The following CLMP variants were observed in gnomAD, a reference collection of about 807,000 sequenced individuals.
The protein encoded by CLMP is CXADR-like membrane protein.
In CLMP, 27 loss-of-function variants were observed where a neutral mutation model predicts 45.2. The ratio of observed to expected loss-of-function variants is 0.60; its 90% confidence interval spans 0.44 to 0.82. The LOEUF (loss-of-function observed/expected upper bound fraction) is 0.82, where lower values mean the gene tolerates loss of function less well. CLMP is among the 40% of genes least tolerant of loss of function. The pLI is 0.00. For synonymous variants in CLMP, 167 were observed against 171.4 expected (o/e 0.97, Z 0.20); for missense variants, 403 against 448.4 (o/e 0.90, Z 0.91).
intron 1 of CLMP, among the ~76,000 whole-genome samples, chr11:123,153,031 A>G (rs1282359616): frequency 6.6e-6 from 1 of 152,172 alleles, no homozygotes; most frequent in Non-Finnish European, 1.5e-5. Context: ...TTTTTTCCTA[A>G]AGGTTTCCTT....
At chr11:123,176,756 G>A (rs1591487676) in intron 1 of CLMP, among the ~76,000 whole-genome samples, 1 of 152,218 alleles carries the variant, frequency 6.6e-6, no homozygotes, top group Middle Eastern at 3.4e-3. Context: ...CATCTCCCTG[G>A]TTCTATTTAT....
chr11:123,131,758 G>A (rs887856447), intron 1 of CLMP, among the ~76,000 whole-genome samples: 5 of 152,062 alleles, frequency 3.3e-5, no homozygotes, highest in African/African-American at 1.2e-4. Context: ...TGGGATTACA[G>A]GTATGCGCCA....
intron 1 of CLMP, among the ~76,000 whole-genome samples, chr11:123,118,409 A>G (rs1371557165): frequency 2.6e-5 from 4 of 152,244 alleles, no homozygotes; most frequent in African/African-American, 9.6e-5. Flanking sequence ...TGCTGGGATT[A>G]CAGGCATAAG....
chr11:123,096,132 G>T (rs187279065), intron 2 of CLMP, among the ~76,000 whole-genome samples: 1 of 152,152 alleles, frequency 6.6e-6, no homozygotes, highest in Non-Finnish European at 1.5e-5. Context: ...GGAGGCCGAG[G>T]CAGGCCGAAC....
chr11:123,170,292 G>A (rs937047259), intron 1 of CLMP, among the ~76,000 whole-genome samples: 1 of 152,136 alleles, frequency 6.6e-6, no homozygotes, highest in Non-Finnish European at 1.5e-5. Flanking sequence ...CCTCTGATGA[G>A]ACTTCATGGT....
chr11:123,086,512 G>A (rs1421889781), intron 2 of CLMP, among the ~76,000 whole-genome samples: 1 of 152,172 alleles, frequency 6.6e-6, no homozygotes, highest in East Asian at 1.9e-4. Flanking sequence ...ATCACGTGTT[G>A]CTCCACAGCT....
intron 2 of CLMP, among the ~76,000 whole-genome samples, chr11:123,085,595 T>TAAAAAAAAAA (rs35921171): frequency 2.4e-5 from 2 of 82,102 alleles, no homozygotes; most frequent in Non-Finnish European, 2.4e-5. Context: ...GCTACAAAGA[T>TAAAAAAAAAA]AAAAAAAAAA....
intron 1 of CLMP, among the ~76,000 whole-genome samples, chr11:123,100,923 A>G (rs1171482536): frequency 1.3e-5 from 2 of 151,830 alleles, no homozygotes; most frequent in Non-Finnish European, 2.9e-5. Flanking sequence ...TCCTAGAGAC[A>G]GGTTACTACC....
At chr11:123,150,485 A>AAGGAAGGG (rs1861309349) in intron 1 of CLMP, among the ~76,000 whole-genome samples, 1 of 109,924 alleles carries the variant, frequency 9.1e-6, no homozygotes, top group Non-Finnish European at 1.9e-5. Context: ...GAAAGAAAGG[A>AAGGAAGGG]AGGAAGGAAG....
At chr11:123,188,393 A>G (rs967341836) in intron 1 of CLMP, among the ~76,000 whole-genome samples, 2 of 151,752 alleles carry the variant, frequency 1.3e-5, no homozygotes, top group Non-Finnish European at 2.9e-5. Context: ...TTCATCCCCT[A>G]CAGTCTCTGT....
In CLMP at chr11:123,082,896, T is replaced by C. The variant is rs543341042; in HGVS notation, c.679+189A>G. Reference sequence around the variant, plus strand: ...TGCTGGGATTACAGGTGTGAGCCACTGTGCCTGGCCAGTCAATTGTTGAGT... The same window carrying C: ...TGCTGGGATTACAGGTGTGAGCCACCGTGCCTGGCCAGTCAATTGTTGAGT... On this transcript the variant is annotated intron_variant, in intron 5 of 6. Coordinates refer to ENST00000448775, the MANE Select transcript of CLMP (RefSeq NM_024769.5). Among the ~76,000 whole-genome samples the C allele has an allele frequency of 3.5e-4, 54 of 152,274 alleles. No individual in the cohort carries two copies. In the South Asian group the frequency reaches 0.011, roughly 30 times the overall value.
At chr11:123,184,866 G>A (rs921820605) in intron 1 of CLMP, among the ~76,000 whole-genome samples, 1 of 152,184 alleles carries the variant, frequency 6.6e-6, no homozygotes. Flanking sequence ...GCCGCTCACC[G>A]GGCTTGGTAT....
chr11:123,122,938 C>G (rs1275299312), intron 1 of CLMP, among the ~76,000 whole-genome samples: 2 of 152,102 alleles, frequency 1.3e-5, no homozygotes, highest in Non-Finnish European at 2.9e-5. Context: ...CACAAATGCT[C>G]AGGATGAAGC....
At chr11:123,127,502 G>A (rs980013399) in intron 1 of CLMP, among the ~76,000 whole-genome samples, 26 of 152,264 alleles carry the variant, frequency 1.7e-4, no homozygotes, top group African/African-American at 5.8e-4. Context: ...AAAAGGGGCA[G>A]TTTGTTCCAC....
rs1315056418 is a variant in CLMP, at chr11:123,083,504, T to C, written c.556+176A>G. 9.9e-5 allele frequency among the ~76,000 whole-genome samples: 15 copies of C among 152,176 alleles called. No homozygotes were observed. The East Asian group carries it at 2.9e-3, about 29-fold the overall frequency. On this transcript the variant is annotated intron_variant, in intron 4 of 6. Transcript: ENST00000448775. ...TCTCTTTTACTACTTTTACATGTCA[T>C]TTGAGGAAAGGAAAGACAGATTTTC...
chr11:123,104,681 C>T (rs1390665887), intron 1 of CLMP, among the ~76,000 whole-genome samples: 2 of 152,090 alleles, frequency 1.3e-5, no homozygotes, highest in African/African-American at 4.8e-5. Flanking sequence ...CCACCGCGTC[C>T]GGCCTCTGTC....
In CLMP at chr11:123,073,348, G is replaced by A. The variant is rs1343546144; in HGVS notation, c.*126C>T. 4 of 1,031,060 alleles carry A rather than the reference G, an allele frequency of 3.9e-6. No individual in the cohort carries two copies. In the Admixed American group the frequency reaches 9.4e-5, roughly 24 times the overall value. The allele number at this position is 1,031,060 out of a possible 1,614,324, so 63.9% of individuals were successfully genotyped here. A position where few individuals can be genotyped will look rare whatever the true frequency, so the allele number is the denominator to read the frequency against. ...AAATGCTCATCTGAATCTGTTCCGT[G>A]CAATGCTCACTGCTACTTAGATGAC... On this transcript the variant is annotated 3_prime_UTR_variant, in exon 7 of 7. Transcript: ENST00000448775.
At chr11:123,152,795 C>T (rs1436016860) in intron 1 of CLMP, among the ~76,000 whole-genome samples, 1 of 152,086 alleles carries the variant, frequency 6.6e-6, no homozygotes, top group Non-Finnish European at 1.5e-5. Flanking sequence ...TAATTATTTG[C>T]CAAGGACCTT....
In CLMP at chr11:123,185,055, C is replaced by T. The variant is rs145404176; in HGVS notation, c.28+9858G>A. On this transcript the variant is annotated intron_variant, in intron 1 of 6. Coordinates refer to ENST00000448775, the MANE Select transcript of CLMP (RefSeq NM_024769.5). ...AGGAAAGCCTCTGTAGATGAGGCGG[C>T]GGATGGGAGGGAGCTGGTCAGGGTA... Among the ~76,000 whole-genome samples, 938 of 152,196 alleles carry T rather than the reference C, an allele frequency of 6.2e-3. 2 individuals are homozygous for T. The highest frequency in any genetic ancestry group is 0.017 in the Middle Eastern group (5 of 294).
Sources: gnomAD v4.1 joint callset for allele counts (sites outside exome capture counted in the v4.1 genomes callset) on GRCh38, gnomAD v4.1.1 for gene constraint, MANE v1.5 for transcripts, NCBI Gene and HGNC (gene_info 2026-07-23, HGNC 2026-07-21) for gene names.